CROCC2: variants seen among roughly 807,000 people sequenced by gnomAD.
CROCC2 encodes the protein ciliary rootlet coiled-coil, rootletin family member 2.
CROCC2 carries 163 observed loss-of-function variants against 177.6 expected under a neutral mutation model. The ratio of observed to expected loss-of-function variants is 0.92; its 90% confidence interval spans 0.81 to 1.05. The LOEUF (loss-of-function observed/expected upper bound fraction) is 1.05, where lower values mean the gene tolerates loss of function less well. Among genes scored for constraint, CROCC2 ranks in the 50% least tolerant of loss-of-function variants. CROCC2 has a pLI of 0.00. For synonymous variants in CROCC2, 904 were observed against 787.3 expected (o/e 1.15, Z -2.48); for missense variants, 1,929 against 1,797.8 (o/e 1.07, Z -1.32).
At chr2:240,976,023 G>A (rs542559901) in intron 27 of CROCC2, among the ~76,000 whole-genome samples, 10 of 152,288 alleles carry the variant, frequency 6.6e-5, no homozygotes, top group African/African-American at 2.2e-4. Flanking sequence ...GAGCCACAGC[G>A]CCCAGCCCAG....
At chr2:240,945,902 T>C (rs1485102012) in intron 14 of CROCC2, among the ~76,000 whole-genome samples, 158 bp from the exon 15 acceptor site, 18 of 151,992 alleles carry the variant, frequency 1.2e-4, no homozygotes, top group Admixed American at 1.2e-3. Context: ...AAAACATACA[T>C]GTGTTTCTGA....
intron 28 of CROCC2, chr2:240,983,478 A>T (rs969386952): frequency 8.1e-7 from 1 of 1,240,708 alleles, no homozygotes; most frequent in Non-Finnish European, 1.0e-6. Flanking sequence ...GCCGAGGCGC[A>T]GGCGGAGAGG....
intron 1 of CROCC2, among the ~76,000 whole-genome samples, chr2:240,907,550 T>C (rs1318864537): frequency 6.6e-6 from 1 of 152,042 alleles, no homozygotes; most frequent in Non-Finnish European, 1.5e-5. Flanking sequence ...ACAATACAGA[T>C]CACCTGAAAA....
rs562109763 is a variant in CROCC2, at chr2:240,932,334, C to T, written c.964C>T (p.Leu322=). 6 of 716,732 alleles carry T rather than the reference C, an allele frequency of 8.4e-6. No individual in the cohort carries two copies. In the East Asian group the frequency reaches 1.3e-4, roughly 16 times the overall value. 44.4% of individuals were successfully genotyped at this position (716,732 alleles called of 1,614,324 possible). ...ALQARLSEQT[L]LVEKLTEQNE... ...TCCTCCCAGACTCTCGGAGCAAACC[C>T]TGCTGGTGGAGAAGCTTACAGAGCA... is the stretch of plus-strand genomic sequence containing the variant. The change falls in exon 8 of 32, where the codon CTG becomes TTG. Residue 322 remains leucine (L), a synonymous_variant. Transcript: ENST00000690015.
chr2:240,929,534 G>C, intron 5 of CROCC2: 14 of 359,866 alleles, frequency 3.9e-5, no homozygotes, highest in Middle Eastern at 9.7e-4. Context: ...CTCCCACTCC[G>C]CTCCGTTACA....
At chr2:240,967,275 C>T (rs56070244) in intron 25 of CROCC2, 70 bp from the exon 26 acceptor site, 8 of 600,308 alleles carry the variant, frequency 1.3e-5, no homozygotes, top group Non-Finnish European at 2.2e-5. Context: ...GGCCCCGACC[C>T]TCTAGCAGAC....
chr2:240,937,968 C>T (rs567513555), intron 14 of CROCC2, among the ~76,000 whole-genome samples: 13 of 152,314 alleles, frequency 8.5e-5, no homozygotes, highest in African/African-American at 1.9e-4. Flanking sequence ...CTTCACCTTC[C>T]GCCATGATTG....
chr2:240,982,635 G>T lies in CROCC2; in HGVS notation c.4402-245G>T, dbSNP rs931930533. 5 of 439,474 alleles carry T rather than the reference G, an allele frequency of 1.1e-5. No individual in the cohort carries two copies. The highest frequency in any genetic ancestry group is 8.1e-5 in the African/African-American group (4 of 49,484). The allele number at this position is 439,474 out of a possible 1,614,324, so 27.2% of individuals were successfully genotyped here. ...CTGCCAAGCCCAAGTCTTTGCCCAC[G>T]CTAGACCAGACCCCCAGGACTTTCG... On this transcript the variant is annotated intron_variant, in intron 27 of 31. Transcript: ENST00000690015. This position sits in a 1 kb window ranked among gnomAD's most constrained non-coding sequence, Gnocchi z 4.7.
intron 5 of CROCC2, among the ~76,000 whole-genome samples, chr2:240,928,420 T>TTGTGTGTGTG (rs58145871): frequency 0.011 from 1,664 of 147,746 alleles, 26 homozygotes; most frequent in African/African-American, 0.038. Flanking sequence ...TGTGCCTGTT[T>TTGTGTGTGTG]TGTGTGTGTG....
chr2:240,986,083 C>T, intron 28 of CROCC2: 1 of 393,720 alleles, frequency 2.5e-6, no homozygotes, highest in South Asian at 1.8e-5. Context: ...GCCCTTTCTA[C>T]AGCATGCGTT....
chr2:240,987,757 T>TCA (rs1313618641), intron 28 of CROCC2, among the ~76,000 whole-genome samples: 1 of 152,234 alleles, frequency 6.6e-6, no homozygotes, highest in African/African-American at 2.4e-5. Flanking sequence ...CCCAAGGCTG[T>TCA]CACCCCTGTG....
chr2:240,911,910 G>A (rs2059291216), intron 1 of CROCC2, among the ~76,000 whole-genome samples: 1 of 152,194 alleles, frequency 6.6e-6, no homozygotes, highest in Admixed American at 6.5e-5. Context: ...CGCCTGGGTA[G>A]CTTCTGCCTG....
At chr2:240,907,467 T>C (rs547571993) in intron 1 of CROCC2, among the ~76,000 whole-genome samples, 30 of 152,240 alleles carry the variant, frequency 2.0e-4, no homozygotes, top group Admixed American at 9.1e-4. Context: ...ACTGGCTTAC[T>C]CATGGTTGCT....
chr2:240,907,170 G>A (rs1211899789), intron 1 of CROCC2, among the ~76,000 whole-genome samples: 4 of 152,168 alleles, frequency 2.6e-5, no homozygotes, highest in East Asian at 1.9e-4. Context: ...TGTTTCCATC[G>A]CTGCACATTT....
chr2:240,951,900 G>A (rs972718321), intron 18 of CROCC2, among the ~76,000 whole-genome samples: 7 of 152,182 alleles, frequency 4.6e-5, no homozygotes, highest in Admixed American at 2.0e-4. Flanking sequence ...ATCAGCAGTT[G>A]AGACTCAGCC....
At position 240,982,619 on chromosome 2, in the gene CROCC2, C is replaced by T; in HGVS notation, c.4402-261C>T. On this transcript the variant is annotated intron_variant, in intron 27 of 31. Transcript: ENST00000690015. This position sits in a 1 kb window ranked among gnomAD's most constrained non-coding sequence, Gnocchi z 4.7. ...GGCTGCAGCAGAGAACCTGCCAAGC[C>T]CAAGTCTTTGCCCACGCTAGACCAG... 2.8e-6 allele frequency: 1 copy of T among 360,420 alleles called. No homozygotes were observed. 22.3% of individuals were successfully genotyped at this position (360,420 alleles called of 1,614,324 possible).
chr2:240,963,572 C>T lies in CROCC2; in HGVS notation c.3104C>T (p.Ala1035Val). The change falls in exon 21 of 32, where the codon GCA (alanine) becomes GTA (valine). Residue 1035 changes from alanine (A) to valine (V), a missense_variant. Coordinates refer to ENST00000690015, the MANE Select transcript of CROCC2 (RefSeq NM_001351305.2). The part of the protein sequence containing the change: ...DVEREAERLR[A>V]QLTVAQEGLA... ...CCTCCCCAGGCTGAGAGGCTGCGGG[C>T]ACAGCTGACCGTGGCCCAGGAGGGA... The T allele has an allele frequency of 2.6e-6, 4 of 1,544,362 alleles. No individual in the cohort carries two copies. Among genetic ancestry groups the T allele is most frequent in the Non-Finnish European group, 3.5e-6 (4 of 1,143,946 alleles).
At position 240,964,584 on chromosome 2, in the gene CROCC2, G is replaced by T. The variant is rs11688859; in HGVS notation, c.3424G>T (p.Gly1142Trp). 1.8e-5 allele frequency: 28 copies of T among 1,549,318 alleles called. No homozygotes were observed. The Admixed American group carries it at 2.0e-4, about 11-fold the overall frequency. The change falls in exon 22 of 32, where the codon GGG (glycine) becomes TGG (tryptophan). Residue 1142 changes from glycine (G) to tryptophan (W), a missense_variant. This residue lies in a region of CROCC2 where 1,397 missense variants were observed against 1,239.9 expected (regional missense o/e 1.13). Transcript: ENST00000690015. ...RAHLWELEQA[G>W]GDARQELREL... Reference sequence around the variant, plus strand: ...CCACCTGTGGGAGCTGGAGCAGGCAGGGGGGGACGCCCGTCAGGAGCTCCG... The same window carrying T: ...CCACCTGTGGGAGCTGGAGCAGGCATGGGGGGACGCCCGTCAGGAGCTCCG...
chr2:240,913,428 G>A (rs2059300463), intron 1 of CROCC2, among the ~76,000 whole-genome samples: 1 of 152,214 alleles, frequency 6.6e-6, no homozygotes, highest in Non-Finnish European at 1.5e-5. Context: ...CTTGTTCTGA[G>A]TCATTTTGCC....
Sources: allele counts gnomAD v4.1 joint callset (sites outside exome capture counted in the v4.1 genomes callset), GRCh38; gene constraint gnomAD v4.1.1; regional missense constraint gnomAD v4.1.1; non-coding constraint Gnocchi (gnomAD v3.1); transcripts MANE v1.5; gene names NCBI Gene and HGNC (gene_info 2026-07-23, HGNC 2026-07-21).